Variants in PRKG1 observed in about 807,000 individuals in gnomAD.
The protein encoded by PRKG1 is protein kinase cGMP-dependent 1, also known as cGMP-dependent protein kinase 1.
Under a neutral mutation model 88.1 loss-of-function variants are expected in PRKG1, and 35 were observed. The ratio of observed to expected loss-of-function variants is 0.40; its 90% CI spans 0.30 to 0.53. The LOEUF (loss-of-function observed/expected upper bound fraction) is 0.53. PRKG1 is among the 20% of genes least tolerant of loss of function. The pLI, the probability that PRKG1 is intolerant of heterozygous loss-of-function variation, is 0.59. For missense variants in PRKG1, 540 were observed against 839.8 expected (o/e 0.64, Z 4.41); for synonymous variants, 303 against 292.5 (o/e 1.04, Z -0.37).
At chr10:51,542,160 C>G (rs2132113047) in intron 3 of PRKG1, among the ~76,000 whole-genome samples, 1 of 151,966 alleles carries the variant, frequency 6.6e-6, no homozygotes, top group South Asian at 2.1e-4. Context: ...AGCATTTTCC[C>G]CACTAAGCCA....
chr10:51,550,567 A>G (rs1287748764), intron 3 of PRKG1, among the ~76,000 whole-genome samples: 1 of 151,946 alleles, frequency 6.6e-6, no homozygotes, highest in South Asian at 2.1e-4. Flanking sequence ...CAAACTTACC[A>G]CTATTCTAGA....
intron 3 of PRKG1, among the ~76,000 whole-genome samples, chr10:51,477,273 T>C (rs1316856861): frequency 6.6e-6 from 1 of 150,718 alleles, no homozygotes; most frequent in Admixed American, 6.7e-5. Context: ...ATTTATAATC[T>C]AGTTGGAAAG....
At chr10:51,754,982 T>C (rs1454774164) in intron 3 of PRKG1, among the ~76,000 whole-genome samples, 1 of 148,212 alleles carries the variant, frequency 6.7e-6, no homozygotes, top group African/African-American at 2.5e-5. Context: ...TTCTCAATTA[T>C]GCTTTGGAAT....
chr10:51,047,336 C>T (rs1843502853), intron 1 of PRKG1, among the ~76,000 whole-genome samples: 2 of 152,158 alleles, frequency 1.3e-5, no homozygotes, highest in Non-Finnish European at 2.9e-5. Flanking sequence ...CTTGTCTGTA[C>T]TTATGAGGTT....
At chr10:51,813,837 C>T (rs10999592) in intron 4 of PRKG1, among the ~76,000 whole-genome samples, 3,241 of 152,180 alleles carry the variant, frequency 0.021, 121 homozygotes, top group African/African-American at 0.07. Flanking sequence ...TCCTCCCAAA[C>T]CTCAGTAGTA....
intron 2 of PRKG1, among the ~76,000 whole-genome samples, chr10:51,429,126 G>A (rs954867208): frequency 3.3e-5 from 5 of 152,098 alleles, no homozygotes; most frequent in Non-Finnish European, 7.3e-5. Flanking sequence ...AGATCCATTG[G>A]GAAAAGTAAG....
chr10:51,588,734 C>T (rs150679963), intron 3 of PRKG1, among the ~76,000 whole-genome samples: 326 of 152,192 alleles, frequency 2.1e-3, no homozygotes, highest in African/African-American at 7.3e-3. Flanking sequence ...CCAGTGATCC[C>T]GTTGGTTATT....
intron 8 of PRKG1, among the ~76,000 whole-genome samples, chr10:52,152,470 G>A (rs1348355179): frequency 6.6e-6 from 1 of 152,102 alleles, no homozygotes; most frequent in African/African-American, 2.4e-5. Context: ...AGGCTACTTT[G>A]CATGGGTTGG....
chr10:51,505,973 C>T (rs1841189704), intron 3 of PRKG1, among the ~76,000 whole-genome samples: 1 of 151,998 alleles, frequency 6.6e-6, no homozygotes, highest in African/African-American at 2.4e-5. Context: ...CTATTTCCTT[C>T]AGTTCTGCTC....
intron 3 of PRKG1, among the ~76,000 whole-genome samples, chr10:51,716,630 T>A (rs1261987793): frequency 1.3e-5 from 2 of 152,142 alleles, no homozygotes; most frequent in Non-Finnish European, 2.9e-5. Flanking sequence ...ATTGCCTGAT[T>A]TCTGGTTTTG....
chr10:51,295,583 G>A (rs928878549), intron 2 of PRKG1, among the ~76,000 whole-genome samples: 4 of 151,920 alleles, frequency 2.6e-5, no homozygotes, highest in Non-Finnish European at 4.4e-5. Flanking sequence ...TGCAAACAGA[G>A]ATAAGCTTAT....
chr10:51,691,690 T>C lies in PRKG1; in HGVS notation c.593-112895T>C, dbSNP rs138014738. ...ATCCAATCTAATAATTATGTTTTTA[T>C]ACTGAGTAAAAGCAGGAGTTGTAAG... On this transcript the variant is annotated intron_variant, in intron 3 of 17. Transcript: ENST00000373980. Among the ~76,000 whole-genome samples, 452 of 152,332 alleles carry C rather than the reference T, an allele frequency of 3.0e-3. 4 individuals carry two copies. The highest frequency in any genetic ancestry group is 7.9e-3 in the South Asian group (38 of 4,828).
intron 2 of PRKG1, among the ~76,000 whole-genome samples, chr10:51,173,442 GTGGT>G (rs1207284179): frequency 2.0e-5 from 3 of 151,548 alleles, no homozygotes; most frequent in Non-Finnish European, 3.0e-5. Flanking sequence ...GTGTGTGTGT[GTGGT>G]GTGTGTAAAT....
intron 2 of PRKG1, among the ~76,000 whole-genome samples, chr10:51,172,600 CTATGTATGTATGTATGTATG>C (rs34401585): frequency 0.058 from 8,175 of 141,628 alleles, 447 homozygotes; most frequent in African/African-American, 0.14. Flanking sequence ...CTATGTCTGT[CTATGTATGTATGTATGTATG>C]TATGTATGTA....
At chr10:52,111,770 C>G (rs1466692821) in intron 7 of PRKG1, among the ~76,000 whole-genome samples, 1 of 152,152 alleles carries the variant, frequency 6.6e-6, no homozygotes. Context: ...TCTACTGAAG[C>G]AGACAATTTA....
At position 51,131,474 on chromosome 10, in the gene PRKG1, C is replaced by A. The variant is rs111534512; in HGVS notation, c.312-21690C>A. Among the ~76,000 whole-genome samples, 5 of 152,186 alleles carry A rather than the reference C, an allele frequency of 3.3e-5. No individual in the cohort carries two copies. The East Asian group carries it at 9.7e-4, about 29-fold the overall frequency. On this transcript the variant is annotated intron_variant, in intron 1 of 17. Coordinates refer to ENST00000373980, the MANE Select transcript of PRKG1 (RefSeq NM_006258.4). ...AAAACGGAAGATGATGGGCTGGGAG[C>A]GGTGGCTCATGCCTGTAATCCCTGC...
intron 2 of PRKG1, among the ~76,000 whole-genome samples, chr10:51,308,550 T>G (rs571951910): frequency 6.6e-6 from 1 of 152,322 alleles, no homozygotes; most frequent in South Asian, 2.1e-4. Context: ...TGTTGCCTTT[T>G]TCCTGAGCAA....
At chr10:50,992,461 C>T (rs962080332) in intron 1 of PRKG1, among the ~76,000 whole-genome samples, 11 of 152,186 alleles carry the variant, frequency 7.2e-5, no homozygotes, top group African/African-American at 2.4e-4. Flanking sequence ...CTCGTCAGCC[C>T]TGTCCCAAGG....
rs1367928211 is a variant in PRKG1, at chr10:52,193,565, AAAAAAAAAAAC to A, written c.1076+31614_1076+31624del. Among the ~76,000 whole-genome samples, 105 of 139,600 alleles carry A rather than the reference AAAAAAAAAAAC, an allele frequency of 7.5e-4. 3 individuals carry two copies. Among genetic ancestry groups the A allele is most frequent in the African/African-American group, 2.7e-3 (104 of 38,374 alleles). 91.6% of individuals were successfully genotyped at this position (139,600 alleles called of 152,430 possible). A position where few individuals can be genotyped will look rare whatever the true frequency, so the allele number is the denominator to read the frequency against. On this transcript the variant is annotated intron_variant, in intron 9 of 17. Transcript: ENST00000373980. ...CTCTGTCTCAAAAAAAAAAAAAACA[AAAAAAAAAAAC>A]AAAAAAAAAACTATTCCAAATGTCA... is the stretch of plus-strand genomic sequence containing the variant.
Sources: allele counts gnomAD v4.1 joint callset (sites outside exome capture counted in the v4.1 genomes callset), GRCh38; gene constraint gnomAD v4.1.1; transcripts MANE v1.5; gene names NCBI Gene and HGNC (gene_info 2026-07-23, HGNC 2026-07-21).